The following KSR1 variants were observed in gnomAD, a reference collection of about 807,000 sequenced individuals.
KSR1 encodes the protein kinase suppressor of ras 1, also known as kinase suppressor of ras.
A neutral mutation model predicts 92.9 loss-of-function variants in KSR1; 35 were observed. The observed-to-expected ratio is 0.38, with a 90% CI of 0.29 to 0.50. The LOEUF (loss-of-function observed/expected upper bound fraction) is 0.50, where lower values mean the gene tolerates loss of function less well. Among genes scored for constraint, KSR1 ranks in the 20% least tolerant of loss-of-function variants. The pLI is 0.94. For missense variants in KSR1, 972 were observed against 1,158.5 expected (o/e 0.84, Z 2.34); for synonymous variants, 467 against 472.6 (o/e 0.99, Z 0.15).
At chr17:27,604,815 G>T in intron 13 of KSR1, 87 bp downstream of exon 13, 1 of 1,395,464 alleles carries the variant, frequency 7.2e-7, no homozygotes, top group Non-Finnish European at 1.0e-6. Flanking sequence ...TTGAGGGTGA[G>T]TGGGTTCTGG....
intron 11 of KSR1, 36 bp from the exon 12 acceptor site, chr17:27,603,798 A>G (rs769531100): frequency 8.1e-6 from 13 of 1,607,126 alleles, no homozygotes; most frequent in South Asian, 2.2e-5. Context: ...GAGGAAAGCA[A>G]TCTCATGCTT....
At chr17:27,564,087 C>T (rs1390324100) in intron 2 of KSR1, among the ~76,000 whole-genome samples, 1 of 136,386 alleles carries the variant, frequency 7.3e-6, no homozygotes, top group Non-Finnish European at 1.5e-5. Context: ...CTCCCAGGTT[C>T]AAGCTATTCT....
intron 1 of KSR1, among the ~76,000 whole-genome samples, chr17:27,519,324 G>T (rs1294214933): frequency 6.6e-6 from 1 of 152,138 alleles, no homozygotes; most frequent in African/African-American, 2.4e-5. Flanking sequence ...TCAAGTGTGG[G>T]GCCACATGGA....
intron 20 of KSR1, chr17:27,622,172 T>G: frequency 1.7e-6 from 1 of 573,554 alleles, no homozygotes; most frequent in East Asian, 3.0e-5. Context: ...TCCCACTAAC[T>G]GAGCTCCCTC....
intron 2 of KSR1, among the ~76,000 whole-genome samples, chr17:27,569,881 CTT>C (rs2072238457): frequency 6.6e-6 from 1 of 152,208 alleles, no homozygotes; most frequent in African/African-American, 2.4e-5. Context: ...GGAATGGGGC[CTT>C]TCCACGCTGA....
intron 2 of KSR1, among the ~76,000 whole-genome samples, chr17:27,572,003 C>T (rs1205769212): frequency 4.6e-5 from 7 of 152,192 alleles, no homozygotes; most frequent in Admixed American, 2.6e-4. Flanking sequence ...TGGCCTGTGA[C>T]GCCAGCCTCT....
intron 7 of KSR1, among the ~76,000 whole-genome samples, chr17:27,591,494 T>A (rs2073165539): frequency 6.6e-6 from 1 of 152,222 alleles, no homozygotes; most frequent in Non-Finnish European, 1.5e-5. Context: ...GCAAGGCACT[T>A]GCCTTTCTGG....
rs183489393 is a variant in KSR1, at chr17:27,531,580, G to T, written c.232-18988G>T. Among the ~76,000 whole-genome samples, 1,113 of 152,304 alleles carry T rather than the reference G, an allele frequency of 7.3e-3. 11 individuals are homozygous for T. Among genetic ancestry groups the T allele is most frequent in the African/African-American group, 0.026 (1,072 of 41,554 alleles). ...CTTGGGGGAGAACCCCTCCTGTGGGGCTGCTGAGATGTGTGCTGTGCTGGA... is the reference window on the plus strand; with the variant it reads ...CTTGGGGGAGAACCCCTCCTGTGGGTCTGCTGAGATGTGTGCTGTGCTGGA... On this transcript the variant is annotated intron_variant, in intron 1 of 20. Transcript: ENST00000644974.
intron 1 of KSR1, among the ~76,000 whole-genome samples, chr17:27,463,996 T>TA (rs1323739601): frequency 7.9e-5 from 12 of 152,176 alleles, no homozygotes; most frequent in African/African-American, 2.9e-4. Context: ...GAACCCCTGT[T>TA]AAGCAGAATT....
chr17:27,555,520 G>A (rs986794736), intron 2 of KSR1, among the ~76,000 whole-genome samples: 189 of 149,836 alleles, frequency 1.3e-3, no homozygotes, highest in African/African-American at 4.0e-3. Flanking sequence ...GCGTGTGTGT[G>A]TGTGTGTGTG....
At chr17:27,512,262 T>C (rs934986895) in intron 1 of KSR1, among the ~76,000 whole-genome samples, 8 of 152,220 alleles carry the variant, frequency 5.3e-5, no homozygotes, top group Non-Finnish European at 1.2e-4. Flanking sequence ...TGATTTTGGC[T>C]TGGAAAATAG....
chr17:27,614,941 G>A (rs923069891), intron 18 of KSR1, among the ~76,000 whole-genome samples: 2 of 152,194 alleles, frequency 1.3e-5, no homozygotes, highest in Non-Finnish European at 2.9e-5. Flanking sequence ...CAAAAGCTGG[G>A]AGTGCCCTCT....
chr17:27,548,719 A>G (rs1047813355), intron 1 of KSR1, among the ~76,000 whole-genome samples: 2 of 152,150 alleles, frequency 1.3e-5, no homozygotes, highest in African/African-American at 4.8e-5. Flanking sequence ...ACTTCCAACT[A>G]CTTGGGAAGC....
intron 1 of KSR1, among the ~76,000 whole-genome samples, chr17:27,524,678 AGCT>A (rs1367516199): frequency 2.6e-5 from 4 of 152,230 alleles, no homozygotes. Context: ...CAAATCAAAG[AGCT>A]GCTAAGCCAG....
intron 1 of KSR1, among the ~76,000 whole-genome samples, chr17:27,473,205 T>C (rs1385890909): frequency 6.6e-6 from 1 of 152,280 alleles, no homozygotes. Flanking sequence ...CTGAATTGTC[T>C]GAATTTCCAT....
In KSR1 at chr17:27,559,443, GC is replaced by G. The variant is rs2071733895; in HGVS notation, c.372+8738del. On this transcript the variant is annotated intron_variant, in intron 2 of 20. Coordinates refer to ENST00000644974, the MANE Select transcript of KSR1 (RefSeq NM_001394583.1). The surrounding 1 kb of genome is among the most constrained non-coding windows in gnomAD (Gnocchi z 4.2). ...TCTGTATTGTCCATTCAGTGTGGCAGCCCTTAGCCATATGTGGCTTGGGGAC... is the reference window on the plus strand; with the variant it reads ...TCTGTATTGTCCATTCAGTGTGGCAGCCTTAGCCATATGTGGCTTGGGGAC... Among the ~76,000 whole-genome samples, 1 of 152,260 alleles carries G rather than the reference GC, an allele frequency of 6.6e-6. No individual in the cohort carries two copies. The highest frequency in any genetic ancestry group is 2.1e-4 in the South Asian group (1 of 4,832).
chr17:27,585,607 C>A, intron 4 of KSR1, 50 bp from the exon 5 acceptor site: 1 of 739,118 alleles, frequency 1.4e-6, no homozygotes, highest in Non-Finnish European at 2.5e-6. Flanking sequence ...AGGAACACGC[C>A]GAGCCAGCGT....
chr17:27,620,071 C>T (rs1177928175), intron 19 of KSR1, among the ~76,000 whole-genome samples: 2 of 152,236 alleles, frequency 1.3e-5, no homozygotes, highest in Non-Finnish European at 2.9e-5. Context: ...CATGAGTTTT[C>T]TCTCCTGCAG....
At chr17:27,524,330 A>G (rs2070160758) in intron 1 of KSR1, among the ~76,000 whole-genome samples, 2 of 152,184 alleles carry the variant, frequency 1.3e-5, no homozygotes, top group African/African-American at 4.8e-5. Flanking sequence ...TTGGTGGAGT[A>G]GAGAGACTAA....
Sources: gnomAD v4.1 joint callset for allele counts (sites outside exome capture counted in the v4.1 genomes callset) on GRCh38, gnomAD v4.1.1 for gene constraint, Gnocchi (gnomAD v3.1) non-coding constraint, MANE v1.5 for transcripts, NCBI Gene and HGNC (gene_info 2026-07-23, HGNC 2026-07-21) for gene names.